The following FAM149A variants were observed in gnomAD, a reference collection of about 807,000 sequenced individuals.
FAM149A encodes family with sequence similarity 149 member A.
A neutral mutation model predicts 78.2 loss-of-function variants in FAM149A; 71 were observed. That is an observed-to-expected ratio of 0.91 (90% CI 0.75 to 1.11). FAM149A has a LOEUF of 1.11. Ranked by LOEUF, FAM149A falls within the 50% of genes least tolerant of loss-of-function variation. The probability of loss-of-function intolerance (pLI) is 0.00; values close to 1 mark genes in which losing one functional copy is unlikely to be tolerated. For synonymous variants in FAM149A, 446 were observed against 410.5 expected (o/e 1.09, Z -1.04); for missense variants, 1,036 against 971.0 (o/e 1.07, Z -0.89).
intron 1 of FAM149A, among the ~76,000 whole-genome samples, chr4:186,106,947 G>A (rs150367617): frequency 6.6e-6 from 1 of 152,158 alleles, no homozygotes; most frequent in Non-Finnish European, 1.5e-5. Context: ...GAGAGACTCC[G>A]TCTCAAAAAA....
At position 186,116,760 on chromosome 4, in the gene FAM149A, T is replaced by G. The variant is rs546168617; in HGVS notation, c.566+11118T>G. On this transcript the variant is annotated intron_variant, in intron 1 of 13. Coordinates refer to ENST00000389354, the MANE Select transcript of FAM149A (RefSeq NM_001367768.3). ...TATATTTAAATCTTGAAAATTGTATTTGAGTTAGCAGTTATATGTTTTTTT... is the reference window on the plus strand; with the variant it reads ...TATATTTAAATCTTGAAAATTGTATGTGAGTTAGCAGTTATATGTTTTTTT... 1.5e-5 allele frequency: 15 copies of G among 982,198 alleles called. 1 individual carries two copies. The Admixed American group carries it at 8.6e-4, about 56-fold the overall frequency. 60.8% of individuals were successfully genotyped at this position (982,198 alleles called of 1,614,324 possible).
At chr4:186,110,230 G>A in intron 1 of FAM149A, 2 of 985,260 alleles carry the variant, frequency 2.0e-6, no homozygotes, top group African/African-American at 1.7e-5. Context: ...CAACAACCCA[G>A]GGGCAGTTTA....
chr4:186,154,466 A>G lies in FAM149A; in HGVS notation c.1059-2A>G. ...CATGTAGAATCTGTTTTTTTCCCAT[A>G]GGTTGTGCATTTCTGGCTCTCAAAT... On this transcript the variant is annotated splice_acceptor_variant, in intron 5 of 13. Coordinates refer to ENST00000389354, the MANE Select transcript of FAM149A (RefSeq NM_001367768.3). LOFTEE classifies it high-confidence loss of function. The G allele has an allele frequency of 1.2e-6, 2 of 1,605,226 alleles. No individual in the cohort carries two copies. The highest frequency in any genetic ancestry group is 1.3e-5 in the African/African-American group (1 of 74,552).
chr4:186,167,963 G>T (rs1426357262), intron 13 of FAM149A, among the ~76,000 whole-genome samples: 2 of 152,156 alleles, frequency 1.3e-5, no homozygotes, highest in Non-Finnish European at 2.9e-5. Flanking sequence ...AAAGGATCTA[G>T]CTAGATACCA....
At chr4:186,138,242 T>TAA (rs1489272281) in intron 1 of FAM149A, among the ~76,000 whole-genome samples, 2 of 112,090 alleles carry the variant, frequency 1.8e-5, no homozygotes, top group Non-Finnish European at 3.7e-5. Context: ...AGTTAGTGAG[T>TAA]GAGTGTGTGT....
chr4:186,153,714 C>G lies in FAM149A; in HGVS notation c.1002C>G (p.Ala334=). 6.2e-7 allele frequency: 1 copy of G among 1,614,108 alleles called. No homozygotes were observed. The highest frequency in any genetic ancestry group is 8.5e-7 in the Non-Finnish European group (1 of 1,179,972). Residue 334 remains alanine, a synonymous_variant, in exon 5 of 14, where the codon GCC becomes GCG. Coordinates refer to ENST00000389354, the MANE Select transcript of FAM149A (RefSeq NM_001367768.3). ...AGCATTTCCAGGGCAGCACTCCTGC[C>G]TCCGCAGTCCACAGACCCCCGCTCA...
At chr4:186,147,710 AT>A (rs1165824601) in intron 1 of FAM149A, among the ~76,000 whole-genome samples, 5 of 152,182 alleles carry the variant, frequency 3.3e-5, no homozygotes, top group African/African-American at 1.2e-4. Context: ...TTTAGTTGTT[AT>A]TTTATGTCAT....
intron 1 of FAM149A, chr4:186,125,874 G>A: frequency 1.0e-6 from 1 of 985,350 alleles, no homozygotes; most frequent in South Asian, 4.7e-5. Flanking sequence ...TAGAGGAGTG[G>A]AATCACACGA....
rs775161696 is a variant in FAM149A, at chr4:186,174,502, A to G, written c.*2515A>G. The stretch of plus-strand genomic sequence containing the variant: ...ATTAAGGTAGGGTATCCAAGATAAA[A>G]TGTTTTTTCTTTGAAAACCACTGAA... On this transcript the variant is annotated 3_prime_UTR_variant, in exon 14 of 14. Transcript: ENST00000389354. Among the ~76,000 whole-genome samples, 1 of 111,580 alleles carries G rather than the reference A, an allele frequency of 9.0e-6. No individual in the cohort carries two copies. Among genetic ancestry groups the G allele is most frequent in the African/African-American group, 2.8e-5 (1 of 35,630 alleles). The allele number at this position is 111,580 out of a possible 152,430, so 73.2% of individuals were successfully genotyped here. A position where few individuals can be genotyped will look rare whatever the true frequency, so the allele number is the denominator to read the frequency against.
chr4:186,111,507 T>G (rs1164958338), intron 1 of FAM149A, among the ~76,000 whole-genome samples: 1 of 152,114 alleles, frequency 6.6e-6, no homozygotes, highest in Non-Finnish European at 1.5e-5. Context: ...TAGGTTTTCT[T>G]CTAGGGTTTT....
At chr4:186,167,504 C>G in intron 13 of FAM149A, 1 of 401,314 alleles carries the variant, frequency 2.5e-6, no homozygotes, top group African/African-American at 3.4e-5. Flanking sequence ...GAACTGGGGG[C>G]CTCACTCAAA....
chr4:186,111,303 T>A (rs914424782), intron 1 of FAM149A, among the ~76,000 whole-genome samples: 19 of 152,158 alleles, frequency 1.2e-4, no homozygotes, highest in African/African-American at 4.6e-4. Flanking sequence ...TAGTCCTTTG[T>A]CAGATGAGTA....
Position 186,175,314 on chromosome 4 carries a change from A to G in FAM149A, c.*3327A>G, listed in dbSNP as rs562808013. On this transcript the variant is annotated 3_prime_UTR_variant, in exon 14 of 14. Coordinates refer to ENST00000389354, the MANE Select transcript of FAM149A (RefSeq NM_001367768.3). Reference sequence around the variant, plus strand: ...GAGTTTTCAAAAATGTGTAACATTTATAAAAGTATTTTTAGATTCCCAATT... The same window carrying G: ...GAGTTTTCAAAAATGTGTAACATTTGTAAAAGTATTTTTAGATTCCCAATT... Among the ~76,000 whole-genome samples, 1 of 112,906 alleles carries G rather than the reference A, an allele frequency of 8.9e-6. No homozygotes were observed. The highest frequency in any genetic ancestry group is 2.8e-5 in the African/African-American group (1 of 36,274). 74.1% of individuals were successfully genotyped at this position (112,906 alleles called of 152,430 possible). A position where few individuals can be genotyped will look rare whatever the true frequency, so the allele number is the denominator to read the frequency against.
intron 8 of FAM149A, chr4:186,160,776 C>G: frequency 2.2e-6 from 2 of 895,726 alleles, no homozygotes; most frequent in Non-Finnish European, 2.5e-6. Flanking sequence ...CACATCACAC[C>G]ACACCACACA....
chr4:186,123,266 G>A (rs1055346861), intron 1 of FAM149A: 20 of 985,166 alleles, frequency 2.0e-5, no homozygotes, highest in African/African-American at 5.2e-5. Flanking sequence ...TTTATTTTTG[G>A]CAAAGTATGG....
chr4:186,122,815 A>G, intron 1 of FAM149A: 2 of 665,192 alleles, frequency 3.0e-6, no homozygotes, highest in Non-Finnish European at 1.9e-6. Context: ...GATGAAACAA[A>G]AGATCGTAAG....
rs149529143 is a variant in FAM149A, at chr4:186,158,923, A to G, written c.1575+1204A>G. 1,319 of 468,442 alleles carry G rather than the reference A, an allele frequency of 2.8e-3. 2 individuals carry two copies. Among genetic ancestry groups the G allele is most frequent in the Non-Finnish European group, 3.4e-3 (1,211 of 356,862 alleles). The allele number at this position is 468,442 out of a possible 1,614,324, so 29.0% of individuals were successfully genotyped here. The stretch of plus-strand genomic sequence containing the variant: ...TAAACATCAGTTTCTATTTAAAACA[A>G]TGATATTCGGGTCTGTTTGCAATGT... On this transcript the variant is annotated intron_variant, in intron 8 of 13. Coordinates refer to ENST00000389354, the MANE Select transcript of FAM149A (RefSeq NM_001367768.3).
intron 1 of FAM149A, among the ~76,000 whole-genome samples, chr4:186,136,936 ATCTCTCTC>A (rs142934788): frequency 3.3e-4 from 29 of 88,146 alleles, no homozygotes; most frequent in African/African-American, 9.0e-4. Context: ...ACACTGATTG[ATCTCTCTC>A]TCTCTCTCTC....
chr4:186,149,576 TCA>T lies in FAM149A; in HGVS notation c.678-16_678-15del. On this transcript the variant is annotated splice_polypyrimidine_tract_variant and intron_variant, in intron 2 of 13. Coordinates refer to ENST00000389354, the MANE Select transcript of FAM149A (RefSeq NM_001367768.3). ...TGTTCATTCCTGCAGCAAATCCTTG[TCA>T]TCCTTTTCCTCCAGCGGAAGCCATA... 4 of 1,289,858 alleles carry T rather than the reference TCA, an allele frequency of 3.1e-6. No individual in the cohort carries two copies. The highest frequency in any genetic ancestry group is 4.0e-6 in the Non-Finnish European group (4 of 988,874). 79.9% of individuals were successfully genotyped at this position (1,289,858 alleles called of 1,614,324 possible).
Sources: gnomAD v4.1 joint callset for allele counts (sites outside exome capture counted in the v4.1 genomes callset) on GRCh38, gnomAD v4.1.1 for gene constraint, MANE v1.5 for transcripts, NCBI Gene and HGNC (gene_info 2026-07-23, HGNC 2026-07-21) for gene names.